The following COL25A1 variants were observed in gnomAD, a reference collection of about 807,000 sequenced individuals.
COL25A1 encodes the protein collagen type XXV alpha 1 chain.
A neutral mutation model predicts 128.4 loss-of-function variants in COL25A1; 103 were observed. That is an observed-to-expected ratio of 0.80 (90% CI 0.68 to 0.94). The LOEUF (loss-of-function observed/expected upper bound fraction) is 0.94, where lower values mean the gene tolerates loss of function less well. Among genes scored for constraint, COL25A1 ranks in the 40% least tolerant of loss-of-function variants. COL25A1 has a pLI of 0.00. For synonymous variants in COL25A1, 279 were observed against 277.2 expected (o/e 1.01, Z -0.06); for missense variants, 745 against 840.0 (o/e 0.89, Z 1.40).
chr4:108,835,409 T>C (rs1733654489), intron 31 of COL25A1, among the ~76,000 whole-genome samples: 1 of 150,842 alleles, frequency 6.6e-6, no homozygotes, highest in Non-Finnish European at 1.5e-5. Context: ...CAGATGCAGT[T>C]AATAATACAG....
chr4:108,832,003 G>A (rs991861444), intron 32 of COL25A1, among the ~76,000 whole-genome samples: 4 of 152,138 alleles, frequency 2.6e-5, no homozygotes, highest in Non-Finnish European at 5.9e-5. Context: ...CTCTGAATGA[G>A]TACAGTAGCT....
chr4:108,853,528 T>A (rs191541998), intron 24 of COL25A1, among the ~76,000 whole-genome samples: 2 of 152,104 alleles, frequency 1.3e-5, no homozygotes, highest in African/African-American at 4.8e-5. Context: ...GATTGATTGA[T>A]TTATTATACT....
At chr4:108,859,083 A>G (rs1447889372) in intron 24 of COL25A1, among the ~76,000 whole-genome samples, 4 of 152,172 alleles carry the variant, frequency 2.6e-5, no homozygotes, top group Non-Finnish European at 5.9e-5. Flanking sequence ...AGAAGAAAAG[A>G]ATTATATGGT....
At chr4:108,984,779 C>T (rs1753484600) in intron 6 of COL25A1, among the ~76,000 whole-genome samples, 1 of 152,224 alleles carries the variant, frequency 6.6e-6, no homozygotes, top group Non-Finnish European at 1.5e-5. Flanking sequence ...CCGGCCTTGG[C>T]CAGCCCAGAA....
intron 5 of COL25A1, among the ~76,000 whole-genome samples, chr4:109,012,876 GA>G (rs1196438558): frequency 1.3e-5 from 2 of 152,228 alleles, no homozygotes; most frequent in Non-Finnish European, 2.9e-5. Context: ...CATGGAAATG[GA>G]GGGCAGCTCC....
At chr4:108,928,736 A>AT (rs1285473299) in intron 11 of COL25A1, among the ~76,000 whole-genome samples, 1 of 152,082 alleles carries the variant, frequency 6.6e-6, no homozygotes, top group African/African-American at 2.4e-5. Context: ...TTTTGTAGAA[A>AT]TGGGTTTTCA....
chr4:109,105,084 C>A (rs1307904099), intron 3 of COL25A1, among the ~76,000 whole-genome samples: 2 of 152,086 alleles, frequency 1.3e-5, no homozygotes, highest in African/African-American at 4.8e-5. Context: ...GAATAGGTGC[C>A]TTATGCTGAT....
chr4:108,872,046 C>G (rs1738788345), intron 19 of COL25A1, among the ~76,000 whole-genome samples: 1 of 152,164 alleles, frequency 6.6e-6, no homozygotes, highest in Non-Finnish European at 1.5e-5. Context: ...TCTTTAAGGT[C>G]AAACTATTTT....
Position 109,048,168 on chromosome 4 carries a change from A to G in COL25A1, c.420T>C (p.Pro140=), listed in dbSNP as rs1760624941. 6.2e-7 allele frequency: 1 copy of G among 1,612,874 alleles called. No homozygotes were observed. Among genetic ancestry groups the G allele is most frequent in the African/African-American group, 1.3e-5 (1 of 74,890 alleles). ...GCCAAAGTGCAGCAAACATACTTAC[A>G]GGAGGACCTATGGGGGGAGCAGGTG... ...KRGRRGESGP[P]GQPGPQGPPG... is the part of the protein sequence containing the mutation. Residue 140 remains proline, a splice_region_variant and synonymous_variant, in exon 5 of 38, where the codon CCT becomes CCC. Coordinates refer to ENST00000399132, the MANE Select transcript of COL25A1 (RefSeq NM_198721.4).
chr4:108,949,514 C>T (rs1371662791), intron 8 of COL25A1, among the ~76,000 whole-genome samples: 1 of 151,820 alleles, frequency 6.6e-6, no homozygotes, highest in Non-Finnish European at 1.5e-5. Flanking sequence ...CCATCTTAAC[C>T]AGCATATTTT....
chr4:108,844,668 T>C (rs982745208), intron 29 of COL25A1, 99 bp from the exon 30 acceptor site: 1 of 1,477,384 alleles, frequency 6.8e-7, no homozygotes, highest in Non-Finnish European at 9.0e-7. Context: ...CCATTAGTAG[T>C]TGGAGAGGAA....
chr4:108,846,754 A>G (rs1735157366), intron 27 of COL25A1, among the ~76,000 whole-genome samples: 1 of 152,122 alleles, frequency 6.6e-6, no homozygotes, highest in Admixed American at 6.6e-5. Flanking sequence ...CGCTCAATCA[A>G]TGCTTAAAAG....
chr4:109,123,475 A>G (rs1350894901), intron 3 of COL25A1, among the ~76,000 whole-genome samples: 1 of 152,098 alleles, frequency 6.6e-6, no homozygotes, highest in Non-Finnish European at 1.5e-5. Context: ...TGTGAGCTAA[A>G]GGGATAAATA....
chr4:109,229,361 TACA>T (rs1288228457), intron 3 of COL25A1, among the ~76,000 whole-genome samples: 2 of 152,258 alleles, frequency 1.3e-5, no homozygotes, highest in Non-Finnish European at 2.9e-5. Flanking sequence ...AGCCTCTGGT[TACA>T]ACATTTTCGG....
intron 3 of COL25A1, among the ~76,000 whole-genome samples, chr4:109,293,788 T>C (rs1169719867): frequency 6.6e-6 from 1 of 152,122 alleles, no homozygotes; most frequent in Non-Finnish European, 1.5e-5. Context: ...AAATCTCATA[T>C]TATGTGGCAA....
intron 3 of COL25A1, among the ~76,000 whole-genome samples, chr4:109,249,844 G>C (rs1780529654): frequency 6.6e-6 from 1 of 152,108 alleles, no homozygotes; most frequent in Admixed American, 6.6e-5. Flanking sequence ...TAATTCTAAA[G>C]TTATACTTAC....
intron 3 of COL25A1, among the ~76,000 whole-genome samples, chr4:109,118,160 G>A (rs193109409): frequency 1.2e-4 from 18 of 151,792 alleles, no homozygotes; most frequent in Admixed American, 3.9e-4. Flanking sequence ...GATACACTTT[G>A]TCTCCAAGAA....
At chr4:109,167,482 G>C (rs1457598388) in intron 3 of COL25A1, among the ~76,000 whole-genome samples, 1 of 152,068 alleles carries the variant, frequency 6.6e-6, no homozygotes, top group Non-Finnish European at 1.5e-5. Context: ...AATACTTACT[G>C]TGCCAGGCAT....
At chr4:109,093,659 TAC>T (rs1560680164) in intron 3 of COL25A1, among the ~76,000 whole-genome samples, 1 of 151,804 alleles carries the variant, frequency 6.6e-6, no homozygotes, top group Non-Finnish European at 1.5e-5. Flanking sequence ...AAAAAAAAGA[TAC>T]ACACAGCCAA....
Sources: gnomAD v4.1 joint callset for allele counts (sites outside exome capture counted in the v4.1 genomes callset) on GRCh38, gnomAD v4.1.1 for gene constraint, MANE v1.5 for transcripts, NCBI Gene and HGNC (gene_info 2026-07-23, HGNC 2026-07-21) for gene names.